Variants in MRPL48 observed in about 807,000 individuals in gnomAD.
MRPL48 encodes mitochondrial ribosomal protein L48.
In MRPL48, 16 loss-of-function variants were observed where a neutral mutation model predicts 32.9. The ratio of observed to expected loss-of-function variants is 0.49; its 90% CI spans 0.33 to 0.74. The LOEUF (loss-of-function observed/expected upper bound fraction) is 0.74. Ranked by LOEUF, MRPL48 falls within the 30% of genes least tolerant of loss-of-function variation. The pLI, the probability that MRPL48 is intolerant of heterozygous loss-of-function variation, is 0.02. For missense variants in MRPL48, 206 were observed against 245.3 expected (o/e 0.84, Z 1.07); for synonymous variants, 94 against 89.2 (o/e 1.05, Z -0.31).
intron 3 of MRPL48, among the ~76,000 whole-genome samples, chr11:73,814,918 G>C (rs1012006311): frequency 1.3e-5 from 2 of 152,014 alleles, no homozygotes; most frequent in African/African-American, 4.8e-5. Flanking sequence ...CTTGAACCTG[G>C]GAGGCGGAGG....
chr11:73,859,952 C>A lies in MRPL48; in HGVS notation c.417C>A (p.Asp139Glu). ...CCATAGAAGTGTTGCAGTTGCAGGA[C>A]CAAGGCAGCAAAATGCTCCTGGACT... ...TKTIEVLQLQDQGSKMLLDSV... is the reference protein window; with the variant it reads ...TKTIEVLQLQEQGSKMLLDSV... The change falls in exon 6 of 8, where the codon GAC becomes GAA. Residue 139 changes from aspartate to glutamate, a missense_variant. Asp to Glu is a conservative substitution (Grantham distance 45). Coordinates refer to ENST00000310614, the MANE Select transcript of MRPL48 (RefSeq NM_016055.6). 1.2e-6 allele frequency: 2 copies of A among 1,613,844 alleles called. No homozygotes were observed. Among genetic ancestry groups the A allele is most frequent in the Non-Finnish European group, 1.7e-6 (2 of 1,179,872 alleles).
intron 3 of MRPL48, among the ~76,000 whole-genome samples, chr11:73,819,157 A>C (rs1281997505): frequency 6.6e-6 from 1 of 152,262 alleles, no homozygotes; most frequent in Non-Finnish European, 1.5e-5. Flanking sequence ...TAATTTGACC[A>C]AAACCTTTCA....
chr11:73,844,919 G>A lies in MRPL48; in HGVS notation c.314G>A (p.Ser105Asn), dbSNP rs920475515. 7.4e-6 allele frequency: 12 copies of A among 1,613,738 alleles called. No homozygotes were observed. Among genetic ancestry groups the A allele is most frequent in the Non-Finnish European group, 1.0e-5 (12 of 1,179,758 alleles). ...LTAYDMTLAE[S>N]YAQYVHNLCN... ...GCATATGATATGACCCTGGCAGAGA[G>A]TTATGCCCAGTATGTTCACAACCTC... The change falls in exon 5 of 8, where the codon AGT becomes AAT. Residue 105 changes from serine to asparagine, a missense_variant. Coordinates refer to ENST00000310614, the MANE Select transcript of MRPL48 (RefSeq NM_016055.6).
chr11:73,811,231 T>G (rs1476041234), intron 3 of MRPL48, among the ~76,000 whole-genome samples: 1 of 152,136 alleles, frequency 6.6e-6, no homozygotes, highest in African/African-American at 2.4e-5. Flanking sequence ...TATCCTTGGA[T>G]TTTAGCAATC....
At chr11:73,834,528 G>GTTTTT (rs11444489) in intron 4 of MRPL48, among the ~76,000 whole-genome samples, 1 of 142,788 alleles carries the variant, frequency 7.0e-6, no homozygotes, top group Non-Finnish European at 1.5e-5. Context: ...GTTTTTGCTG[G>GTTTTT]TTTTTTTTTT....
At chr11:73,834,486 G>C (rs568970883) in intron 4 of MRPL48, among the ~76,000 whole-genome samples, 1 of 149,278 alleles carries the variant, frequency 6.7e-6, no homozygotes. Context: ...TTTTCTCTTT[G>C]TTTTTTGTTT....
At chr11:73,822,176 T>C (rs77730441) in intron 3 of MRPL48, among the ~76,000 whole-genome samples, 2 of 152,158 alleles carry the variant, frequency 1.3e-5, no homozygotes, top group East Asian at 3.9e-4. Context: ...TATTCTGTGC[T>C]CTTTGGGAAC....
intron 4 of MRPL48, among the ~76,000 whole-genome samples, chr11:73,835,370 G>A (rs1308438171): frequency 6.6e-6 from 1 of 151,906 alleles, no homozygotes; most frequent in Non-Finnish European, 1.5e-5. Flanking sequence ...TCGATCTCCT[G>A]ACCTCGTGAT....
At chr11:73,812,513 A>G (rs1947583105) in intron 3 of MRPL48, among the ~76,000 whole-genome samples, 1 of 151,740 alleles carries the variant, frequency 6.6e-6, no homozygotes, top group Non-Finnish European at 1.5e-5. Context: ...TTACATTTCT[A>G]TTTTCCGGCC....
Position 73,820,426 on chromosome 11 carries a change from T to C in MRPL48, c.113-5282T>C, listed in dbSNP as rs547111869. On this transcript the variant is annotated intron_variant, in intron 3 of 7. Coordinates refer to ENST00000310614, the MANE Select transcript of MRPL48 (RefSeq NM_016055.6). ...TTTTAGTAGAGACAGGGTTTCACCATGTTGGCCAGGCTGGTCTCAAACTCA... is the reference window on the plus strand; with the variant it reads ...TTTTAGTAGAGACAGGGTTTCACCACGTTGGCCAGGCTGGTCTCAAACTCA... 5.3e-3 allele frequency among the ~76,000 whole-genome samples: 810 copies of C among 152,298 alleles called. 8 individuals are homozygous for C. Among genetic ancestry groups the C allele is most frequent in the African/African-American group, 0.018 (738 of 41,568 alleles).
In MRPL48 at chr11:73,787,900, A is replaced by G; in HGVS notation, c.-72A>G. The G allele has an allele frequency of 6.3e-7, 1 of 1,578,952 alleles. No homozygotes were observed. The highest frequency in any genetic ancestry group is 8.6e-7 in the Non-Finnish European group (1 of 1,158,902). On this transcript the variant is annotated 5_prime_UTR_variant, in exon 1 of 8. Coordinates refer to ENST00000310614, the MANE Select transcript of MRPL48 (RefSeq NM_016055.6). ...TCAAGGCCGTTCCTTCAGTGTTTTC[A>G]GACGCCCTGGGAACGCGGCTGCAGG...
chr11:73,830,082 C>T (rs890396974), intron 4 of MRPL48, among the ~76,000 whole-genome samples: 2 of 152,090 alleles, frequency 1.3e-5, no homozygotes, highest in African/African-American at 4.8e-5. Context: ...ATTTTGATGA[C>T]TATGTTCTAT....
In MRPL48 at chr11:73,787,899, C is replaced by G. The variant is rs1379456479; in HGVS notation, c.-73C>G. 5 of 1,577,916 alleles carry G rather than the reference C, an allele frequency of 3.2e-6. No individual in the cohort carries two copies. The African/African-American group carries it at 4.1e-5, about 13-fold the overall frequency. On this transcript the variant is annotated 5_prime_UTR_variant, in exon 1 of 8. Coordinates refer to ENST00000310614, the MANE Select transcript of MRPL48 (RefSeq NM_016055.6). ...GTCAAGGCCGTTCCTTCAGTGTTTT[C>G]AGACGCCCTGGGAACGCGGCTGCAG...
intron 3 of MRPL48, among the ~76,000 whole-genome samples, chr11:73,808,615 A>G (rs972970387): frequency 3.9e-5 from 6 of 152,010 alleles, no homozygotes; most frequent in African/African-American, 1.4e-4. Flanking sequence ...TGGTTTCCTC[A>G]CCTTAAAAAA....
chr11:73,789,399 GGTA>G (rs1253564792), intron 1 of MRPL48: 2 of 152,192 alleles, frequency 1.3e-5, no homozygotes, highest in Non-Finnish European at 2.9e-5. Context: ...ATCTGACATG[GGTA>G]TATAAGGCCT....
At chr11:73,837,694 T>C (rs1948127491) in intron 4 of MRPL48, among the ~76,000 whole-genome samples, 1 of 152,194 alleles carries the variant, frequency 6.6e-6, no homozygotes. Flanking sequence ...ATCTAGGCCA[T>C]AGGAGTGCCA....
chr11:73,850,219 CAG>C (rs909509554), intron 5 of MRPL48, among the ~76,000 whole-genome samples: 21 of 150,126 alleles, frequency 1.4e-4, no homozygotes, highest in African/African-American at 5.1e-4. Context: ...TACACTGAGT[CAG>C]AAAATTATTT....
intron 4 of MRPL48, among the ~76,000 whole-genome samples, chr11:73,839,110 G>A (rs977023530): frequency 6.6e-6 from 1 of 152,110 alleles, no homozygotes; most frequent in Non-Finnish European, 1.5e-5. Flanking sequence ...ATAGTATTTT[G>A]TTCAGTTCTC....
At position 73,836,681 on chromosome 11, in the gene MRPL48, C is replaced by T. The variant is rs201455869; in HGVS notation, c.202-8126C>T. ...AGAGAAAGATTAAATGATGTGCCCA[C>T]GTGGCTAGAAGTTTTCAGAGCCGAT... On this transcript the variant is annotated intron_variant, in intron 4 of 7. Transcript: ENST00000310614. Among the ~76,000 whole-genome samples the T allele has an allele frequency of 2.6e-5, 4 of 152,262 alleles. 1 individual carries two copies. Among genetic ancestry groups the T allele is most frequent in the South Asian group, 2.1e-4 (1 of 4,828 alleles).
Sources: gnomAD v4.1 joint callset for allele counts (sites outside exome capture counted in the v4.1 genomes callset) on GRCh38, gnomAD v4.1.1 for gene constraint, MANE v1.5 for transcripts, NCBI Gene and HGNC (gene_info 2026-07-23, HGNC 2026-07-21) for gene names.